The following B4GALT6 variants were observed in gnomAD, a reference collection of about 807,000 sequenced individuals.
B4GALT6 encodes the protein UDP-Gal:beta-GlcNAc beta-1,4-galactosyltransferase 6.
In B4GALT6, 14 loss-of-function variants were observed where a neutral mutation model predicts 46.3. The ratio of observed to expected loss-of-function variants is 0.30; its 90% CI spans 0.20 to 0.47. The LOEUF (loss-of-function observed/expected upper bound fraction) is 0.47, where lower values mean the gene tolerates loss of function less well. Among genes scored for constraint, B4GALT6 ranks in the 20% least tolerant of loss-of-function variants. The pLI, the probability that B4GALT6 is intolerant of heterozygous loss-of-function variation, is 0.99. For missense variants in B4GALT6, 386 were observed against 480.1 expected (o/e 0.80, Z 1.83); for synonymous variants, 168 against 162.0 (o/e 1.04, Z -0.28).
the B4GALT6 span, among the ~76,000 whole-genome samples, chr18:31,717,908 C>A: frequency 7.0e-6 from 1 of 143,436 alleles, no homozygotes; most frequent in South Asian, 2.2e-4. Context: ...GAGCCGAGAT[C>A]GTGCCATTGC....
upstream of B4GALT6, chr18:31,686,174 T>G (rs1430148278): frequency 1.3e-5 from 2 of 152,278 alleles, no homozygotes; most frequent in Admixed American, 1.3e-4. Context: ...CAACTAATCA[T>G]GCAGGAAGTG....
At chr18:31,641,686 T>C (rs1402155241) in intron 4 of B4GALT6, among the ~76,000 whole-genome samples, 1 of 152,358 alleles carries the variant, frequency 6.6e-6, no homozygotes, top group South Asian at 2.1e-4. Flanking sequence ...CATTATCTTC[T>C]GATAAAACAA....
the B4GALT6 span, among the ~76,000 whole-genome samples, chr18:31,710,814 C>CCACACACACA: frequency 0.054 from 7,506 of 140,130 alleles, 280 homozygotes; most frequent in African/African-American, 0.073. Context: ...CCTGAATACA[C>CCACACACACA]CACACACACA....
chr18:31,637,397 T>TC (rs1355827009), intron 5 of B4GALT6, among the ~76,000 whole-genome samples: 6 of 126,638 alleles, frequency 4.7e-5, no homozygotes, highest in Non-Finnish European at 8.5e-5. Flanking sequence ...ATGCTTTTTT[T>TC]TTTTTTTTTT....
intron 3 of B4GALT6, among the ~76,000 whole-genome samples, chr18:31,656,488 T>A (rs892386161): frequency 3.9e-5 from 6 of 152,056 alleles, no homozygotes; most frequent in African/African-American, 9.6e-5. Flanking sequence ...GTGTTTTTTT[T>A]AAAATAATGA....
rs535688318 is a variant in B4GALT6, at chr18:31,668,306, T to C, written c.116-1934A>G. Among the ~76,000 whole-genome samples the C allele has an allele frequency of 2.6e-5, 4 of 152,188 alleles. No homozygotes were observed. The South Asian group carries it at 8.3e-4, about 32-fold the overall frequency. Reference sequence around the variant, plus strand: ...GCCAGCAACAGAAACTGGGGACTACTACAAGAGGGAGGGACAAAGCGGGGC... The same window carrying C: ...GCCAGCAACAGAAACTGGGGACTACCACAAGAGGGAGGGACAAAGCGGGGC... On this transcript the variant is annotated intron_variant, in intron 1 of 8. Transcript: ENST00000306851.
At chr18:31,711,723 T>C in the B4GALT6 span, among the ~76,000 whole-genome samples, 2 of 152,220 alleles carry the variant, frequency 1.3e-5, no homozygotes, top group African/African-American at 2.4e-5. Context: ...ATCAACTCTA[T>C]CTGTGCACCA....
chr18:31,669,989 T>G (rs1258885136), intron 1 of B4GALT6, among the ~76,000 whole-genome samples: 1 of 152,170 alleles, frequency 6.6e-6, no homozygotes, highest in Non-Finnish European at 1.5e-5. Context: ...TATGCATTAT[T>G]ATGTTTCCTG....
upstream of B4GALT6, among the ~76,000 whole-genome samples, chr18:31,688,996 C>T (rs1267281673): frequency 2.6e-5 from 4 of 152,186 alleles, no homozygotes; most frequent in Non-Finnish European, 5.9e-5. Flanking sequence ...TTGCCTTAAA[C>T]ATCTGTGCCA....
chr18:31,652,172 C>G (rs1021253703), intron 3 of B4GALT6, among the ~76,000 whole-genome samples: 2 of 152,182 alleles, frequency 1.3e-5, no homozygotes, highest in African/African-American at 4.8e-5. Flanking sequence ...ATCCTTTACC[C>G]CAATCTCCTT....
chr18:31,692,121 T>C, the B4GALT6 span, among the ~76,000 whole-genome samples: 1 of 152,224 alleles, frequency 6.6e-6, no homozygotes, highest in African/African-American at 2.4e-5. Flanking sequence ...TCTATTATCC[T>C]ATTATTTGTT....
chr18:31,654,544 T>C (rs2144631347), intron 3 of B4GALT6, among the ~76,000 whole-genome samples: 1 of 152,362 alleles, frequency 6.6e-6, no homozygotes, highest in South Asian at 2.1e-4. Flanking sequence ...CTGAAATGTA[T>C]GAAACACATT....
intron 4 of B4GALT6, among the ~76,000 whole-genome samples, chr18:31,641,946 A>T (rs2073935308): frequency 6.6e-6 from 1 of 152,198 alleles, no homozygotes; most frequent in African/African-American, 2.4e-5. Flanking sequence ...CCTAAATGAC[A>T]TGGCTTTAGG....
the B4GALT6 span, among the ~76,000 whole-genome samples, chr18:31,693,963 A>T: frequency 2.0e-5 from 3 of 152,214 alleles, no homozygotes; most frequent in East Asian, 5.8e-4. Flanking sequence ...GCTCTATCTT[A>T]AAAAAAGAAA....
chr18:31,707,806 C>G, the B4GALT6 span, among the ~76,000 whole-genome samples: 1 of 152,044 alleles, frequency 6.6e-6, no homozygotes, highest in Non-Finnish European at 1.5e-5. Context: ...CACTGTAGAA[C>G]AATGGTTCTA....
At position 31,622,756 on chromosome 18, in the gene B4GALT6, A is replaced by T. The variant is rs1224460468; in HGVS notation, c.*2858T>A. On this transcript the variant is annotated 3_prime_UTR_variant, in exon 9 of 9. Transcript: ENST00000306851. Reference sequence around the variant, plus strand: ...AAAACAAAAACTTAAATGTAGATTTAAAAAATACTCATAAAACCCTAGTTT... The same window carrying T: ...AAAACAAAAACTTAAATGTAGATTTTAAAAATACTCATAAAACCCTAGTTT... The T allele has an allele frequency of 1.3e-5, 2 of 152,104 alleles. No individual in the cohort carries two copies. The highest frequency in any genetic ancestry group is 2.4e-5 in the African/African-American group (1 of 41,448). 9.4% of individuals were successfully genotyped at this position (152,104 alleles called of 1,614,324 possible). A position where few individuals can be genotyped will look rare whatever the true frequency, so the allele number is the denominator to read the frequency against.
chr18:31,664,564 G>A (rs79816893), intron 2 of B4GALT6, among the ~76,000 whole-genome samples: 1 of 151,230 alleles, frequency 6.6e-6, no homozygotes, highest in African/African-American at 2.4e-5. Context: ...ATACTATGGG[G>A]AAAGATTGTC....
chr18:31,641,604 T>C (rs541098368), intron 4 of B4GALT6, among the ~76,000 whole-genome samples: 3 of 152,336 alleles, frequency 2.0e-5, no homozygotes, highest in African/African-American at 7.2e-5. Context: ...GACATTCTTC[T>C]ATGTGCCCTA....
At chr18:31,631,612 C>T (rs558378907) in intron 5 of B4GALT6, among the ~76,000 whole-genome samples, 210 of 150,646 alleles carry the variant, frequency 1.4e-3, no homozygotes, top group Non-Finnish European at 2.2e-3. Flanking sequence ...TTACTTGTGG[C>T]GAGAAAAAAA....
Sources: gnomAD v4.1 joint callset for allele counts (sites outside exome capture counted in the v4.1 genomes callset) on GRCh38, gnomAD v4.1.1 for gene constraint, MANE v1.5 for transcripts, NCBI Gene and HGNC (gene_info 2026-07-23, HGNC 2026-07-21) for gene names.